The following STK39 variants were observed in gnomAD, a reference collection of about 807,000 sequenced individuals.
The protein encoded by STK39 is serine/threonine kinase 39.
A neutral mutation model predicts 77.8 loss-of-function variants in STK39; 20 were observed. That is an observed-to-expected ratio of 0.26 (90% CI 0.18 to 0.37). The LOEUF is 0.37. STK39 is among the 10% of genes least tolerant of loss of function. The pLI is 1.00. For missense variants in STK39, 479 were observed against 656.5 expected, an observed-to-expected ratio of 0.73 and a Z score of 2.95; for synonymous variants, 246 against 234.1, an observed-to-expected ratio of 1.05 and a Z score of -0.47.
At chr2:168,147,947 T>G (rs571835325) in intron 5 of STK39, among the ~76,000 whole-genome samples, 2 of 152,206 alleles carry the variant, frequency 1.3e-5, no homozygotes, top group African/African-American at 4.8e-5. Flanking sequence ...CAGACTTACT[T>G]ATTACATCCA....
At chr2:168,197,560 G>A (rs1377626038) in intron 1 of STK39, among the ~76,000 whole-genome samples, 1 of 152,110 alleles carries the variant, frequency 6.6e-6, no homozygotes, top group Admixed American at 6.5e-5. Context: ...GATATTTCAG[G>A]GGGAAAGAAC....
At chr2:168,121,738 A>C (rs1229905650) in intron 10 of STK39, among the ~76,000 whole-genome samples, 1 of 152,128 alleles carries the variant, frequency 6.6e-6, no homozygotes, top group African/African-American at 2.4e-5. Context: ...CACAATAATC[A>C]TTCTCCTTAT....
intron 16 of STK39, among the ~76,000 whole-genome samples, chr2:167,970,734 C>T (rs555222527): frequency 8.9e-4 from 136 of 152,290 alleles, no homozygotes; most frequent in Non-Finnish European, 1.7e-3. Flanking sequence ...TAGGAGTGTG[C>T]GCCTGTAACA....
At chr2:168,135,972 A>G (rs1244555691) in intron 8 of STK39, among the ~76,000 whole-genome samples, 1 of 138,336 alleles carries the variant, frequency 7.2e-6, no homozygotes, top group Non-Finnish European at 1.5e-5. Context: ...ATGTTATATG[A>G]CGCTCTTCTA....
intron 14 of STK39, among the ~76,000 whole-genome samples, chr2:168,039,374 T>C (rs1685043714): frequency 5.3e-5 from 1 of 18,980 alleles, no homozygotes; most frequent in South Asian, 8.7e-4. Context: ...GGGTGGATCA[T>C]GAGGTCAGGA....
chr2:168,071,810 C>T (rs1258405578), intron 12 of STK39, among the ~76,000 whole-genome samples: 2 of 148,512 alleles, frequency 1.3e-5, no homozygotes, highest in African/African-American at 5.0e-5. Flanking sequence ...GCACAGCTTG[C>T]AGAGAGCCGA....
At chr2:168,177,354 G>C (rs1688980249) in intron 2 of STK39, among the ~76,000 whole-genome samples, 1 of 152,110 alleles carries the variant, frequency 6.6e-6, no homozygotes, top group African/African-American at 2.4e-5. Flanking sequence ...TGATGTATGT[G>C]TAGGAATGAG....
intron 16 of STK39, among the ~76,000 whole-genome samples, chr2:167,999,882 G>A (rs1266549310): frequency 2.0e-5 from 3 of 152,144 alleles, no homozygotes; most frequent in Non-Finnish European, 4.4e-5. Context: ...TACCACTCTG[G>A]CCCCACATAG....
chr2:168,121,578 G>A (rs1205022778), intron 10 of STK39, among the ~76,000 whole-genome samples: 3 of 152,106 alleles, frequency 2.0e-5, no homozygotes, highest in African/African-American at 7.2e-5. Flanking sequence ...TCTTTCTGTA[G>A]GCATCCATAG....
intron 5 of STK39, among the ~76,000 whole-genome samples, chr2:168,146,505 C>A (rs1456624484): frequency 6.6e-6 from 1 of 152,184 alleles, no homozygotes; most frequent in Non-Finnish European, 1.5e-5. Context: ...GGGTGGGAGT[C>A]TGGAGCAATA....
chr2:168,038,663 T>C (rs1490115223), intron 14 of STK39, among the ~76,000 whole-genome samples: 2 of 152,156 alleles, frequency 1.3e-5, no homozygotes, highest in Non-Finnish European at 2.9e-5. Context: ...ATATTTATTA[T>C]CCATATGTAT....
At chr2:168,212,060 C>A (rs147698760) in intron 1 of STK39, among the ~76,000 whole-genome samples, 1 of 152,164 alleles carries the variant, frequency 6.6e-6, no homozygotes, top group African/African-American at 2.4e-5. Context: ...CTGAATGGCA[C>A]CTTTAAAAAA....
intron 1 of STK39, among the ~76,000 whole-genome samples, chr2:168,187,946 T>C (rs1301563932): frequency 1.3e-5 from 2 of 152,122 alleles, no homozygotes; most frequent in East Asian, 1.9e-4. Context: ...CTAATCACCA[T>C]ATTATATTTA....
intron 10 of STK39, 61 bp downstream of exon 10, chr2:168,129,480 T>A: frequency 6.3e-7 from 1 of 1,589,618 alleles, no homozygotes; most frequent in Non-Finnish European, 8.6e-7. Context: ...CCAATTTTTC[T>A]ATGGGTTTCA....
chr2:168,056,463 C>T (rs1043021302), intron 14 of STK39, among the ~76,000 whole-genome samples: 30 of 152,252 alleles, frequency 2.0e-4, no homozygotes, highest in African/African-American at 7.0e-4. Context: ...GCCACCCACA[C>T]AGCATTAGTT....
chr2:168,180,436 A>T (rs983460119), intron 2 of STK39, among the ~76,000 whole-genome samples: 1 of 147,018 alleles, frequency 6.8e-6, no homozygotes, highest in Non-Finnish European at 1.5e-5. Context: ...TGCACACTCC[A>T]AATTTTTTTT....
intron 10 of STK39, among the ~76,000 whole-genome samples, chr2:168,088,195 A>T (rs1334285500): frequency 6.6e-6 from 1 of 152,218 alleles, no homozygotes; most frequent in Non-Finnish European, 1.5e-5. Flanking sequence ...TTTTCAACAT[A>T]CAAATGTATG....
intron 5 of STK39, among the ~76,000 whole-genome samples, chr2:168,159,164 A>G (rs927325841): frequency 6.6e-6 from 1 of 152,216 alleles, no homozygotes; most frequent in African/African-American, 2.4e-5. Flanking sequence ...GGCAATGTAT[A>G]TTACACTCAA....
intron 16 of STK39, among the ~76,000 whole-genome samples, chr2:168,009,923 T>G (rs1684227152): frequency 6.6e-6 from 1 of 152,232 alleles, no homozygotes; most frequent in Non-Finnish European, 1.5e-5. Flanking sequence ...TTTCCTCCTT[T>G]TAAAAATTCA....
Sources: gnomAD v4.1 joint callset for allele counts (sites outside exome capture counted in the v4.1 genomes callset) on GRCh38, gnomAD v4.1.1 for gene constraint, MANE v1.5 for transcripts, NCBI Gene and HGNC (gene_info 2026-07-23, HGNC 2026-07-21) for gene names.